Variants in DIAPH2 observed in about 807,000 individuals in gnomAD.
DIAPH2 encodes diaphanous related formin 2.
Under a neutral mutation model 92.7 loss-of-function variants are expected in DIAPH2, and 35 were observed. The ratio of observed to expected loss-of-function variants is 0.38; its 90% confidence interval spans 0.29 to 0.50. The LOEUF is 0.50. Among genes scored for constraint, DIAPH2 ranks in the 20% least tolerant of loss-of-function variants. The pLI is 0.94. For synonymous variants in DIAPH2, 301 were observed against 280.4 expected (o/e 1.07, Z -0.73); for missense variants, 701 against 819.5 (o/e 0.86, Z 1.77).
intron 20 of DIAPH2, 151 bp downstream of exon 20, chrX:97,099,946 C>G: frequency 3.2e-6 from 1 of 312,722 alleles, no homozygotes. Context: ...GAAAAAAATA[C>G]TTTTTTACCT....
chrX:96,829,339 G>A (rs1432571260), intron 4 of DIAPH2, among the ~76,000 whole-genome samples: 1 of 110,201 alleles, frequency 9.1e-6, no homozygotes, highest in African/African-American at 3.3e-5. Flanking sequence ...AAATAAGAGA[G>A]AGAAGGAAAT....
chrX:97,508,728 A>C (rs994282174), intron 26 of DIAPH2, among the ~76,000 whole-genome samples: 4 of 112,064 alleles, frequency 3.6e-5, no homozygotes, highest in Non-Finnish European at 5.6e-5. Context: ...ATATCCATCA[A>C]AGTTTCTAAT....
At chrX:97,318,577 C>G (rs1330874977) in intron 23 of DIAPH2, among the ~76,000 whole-genome samples, 1 of 91,183 alleles carries the variant, frequency 1.1e-5, no homozygotes, top group African/African-American at 4.2e-5. Context: ...ACTGCAATCT[C>G]TGCCTCCCGG....
At chrX:97,093,835 T>C (rs1376439794) in intron 19 of DIAPH2, among the ~76,000 whole-genome samples, 1 of 112,034 alleles carries the variant, frequency 8.9e-6, no homozygotes, top group Non-Finnish European at 1.9e-5. Flanking sequence ...ACTGATCTAC[T>C]TAGTACAGGG....
intron 26 of DIAPH2, among the ~76,000 whole-genome samples, chrX:97,585,666 G>C (rs1388615141): frequency 1.8e-5 from 2 of 110,564 alleles, no homozygotes; most frequent in Middle Eastern, 4.7e-3. Context: ...TGAGGCAACT[G>C]TTTGCACTCT....
At chrX:97,144,356 C>A (rs2067228739) in intron 22 of DIAPH2, among the ~76,000 whole-genome samples, 1 of 110,836 alleles carries the variant, frequency 9.0e-6, no homozygotes, top group Admixed American at 9.6e-5. Context: ...ATAATACGTC[C>A]TAATGTTTGA....
intron 13 of DIAPH2, among the ~76,000 whole-genome samples, chrX:96,943,457 G>A (rs1406227290): frequency 9.0e-6 from 1 of 110,939 alleles, no homozygotes; most frequent in Non-Finnish European, 1.9e-5. Context: ...GTGAATTTTA[G>A]CCTCATTGCA....
chrX:97,388,471 C>T (rs150420086), intron 25 of DIAPH2, among the ~76,000 whole-genome samples: 1,386 of 111,792 alleles, frequency 0.012, 26 homozygotes, highest in African/African-American at 0.042. Context: ...CCTCCCTCAG[C>T]CTCCCATGTA....
At chrX:96,888,482 AAC>A (rs1449793023) in intron 5 of DIAPH2, among the ~76,000 whole-genome samples, 3 of 104,899 alleles carry the variant, frequency 2.9e-5, no homozygotes, top group African/African-American at 1.0e-4. Context: ...ATATATATAT[AAC>A]ACAGATATAT....
At chrX:97,434,409 CTTTT>C (rs1168006514) in intron 26 of DIAPH2, among the ~76,000 whole-genome samples, 1 of 93,842 alleles carries the variant, frequency 1.1e-5, no homozygotes, top group Non-Finnish European at 2.1e-5. Context: ...GGTTACTAAA[CTTTT>C]TTTTTTTTTT....
At chrX:97,253,043 C>CT (rs1287744830) in intron 23 of DIAPH2, among the ~76,000 whole-genome samples, 2 of 111,292 alleles carry the variant, frequency 1.8e-5, no homozygotes, top group Non-Finnish European at 3.8e-5. Context: ...AATCTCAGCA[C>CT]TTTGGGAGGC....
chrX:96,882,044 T>G (rs2065216301), intron 5 of DIAPH2, among the ~76,000 whole-genome samples: 1 of 83,511 alleles, frequency 1.2e-5, no homozygotes, highest in Non-Finnish European at 2.5e-5. Context: ...ATTTGCTCCA[T>G]GATTTTATTC....
chrX:97,454,948 C>A (rs1236760863), intron 26 of DIAPH2, among the ~76,000 whole-genome samples: 1 of 111,998 alleles, frequency 8.9e-6, no homozygotes, highest in African/African-American at 3.2e-5. Context: ...CAAATAGACA[C>A]ACCTCAAATA....
chrX:96,764,806 G>A (rs750838996), intron 4 of DIAPH2, among the ~76,000 whole-genome samples: 68 of 111,732 alleles, frequency 6.1e-4, no homozygotes, highest in Middle Eastern at 4.6e-3. Context: ...AGATTTTTGA[G>A]TGATTCAGTG....
chrX:97,255,677 A>G (rs1024299748), intron 23 of DIAPH2, among the ~76,000 whole-genome samples: 8 of 112,255 alleles, frequency 7.1e-5, no homozygotes, highest in African/African-American at 2.6e-4. Context: ...TCAGTTTAAC[A>G]GAAGAAAGGA....
intron 22 of DIAPH2, among the ~76,000 whole-genome samples, chrX:97,210,343 TTATC>T (rs755135154): frequency 8.9e-6 from 1 of 112,199 alleles, no homozygotes; most frequent in Non-Finnish European, 1.9e-5. Flanking sequence ...GTTCATCTAT[TTATC>T]AGGAAATCAC....
At chrX:97,142,729 G>C (rs1431343012) in intron 22 of DIAPH2, among the ~76,000 whole-genome samples, 2 of 111,980 alleles carry the variant, frequency 1.8e-5, no homozygotes, top group Non-Finnish European at 3.8e-5. Flanking sequence ...TGTGCGAGAA[G>C]AAGTGCATTT....
At chrX:97,317,550 A>G (rs1206998491) in intron 23 of DIAPH2, among the ~76,000 whole-genome samples, 2 of 112,348 alleles carry the variant, frequency 1.8e-5, no homozygotes, top group Non-Finnish European at 1.9e-5. Flanking sequence ...TGATTTGATG[A>G]GAGAAATCAG....
chrX:96,708,753 G>A (rs955562014), intron 1 of DIAPH2, among the ~76,000 whole-genome samples: 4 of 112,919 alleles, frequency 3.5e-5, no homozygotes, highest in South Asian at 3.6e-4. Context: ...AAGCCTGGCA[G>A]TGCAGTAGAA....
Sources: gnomAD v4.1 joint callset for allele counts (sites outside exome capture counted in the v4.1 genomes callset) on GRCh38, gnomAD v4.1.1 for gene constraint, MANE v1.5 for transcripts, NCBI Gene and HGNC (gene_info 2026-07-23, HGNC 2026-07-21) for gene names.